The following SCUBE1 variants were observed in gnomAD, a reference collection of about 807,000 sequenced individuals.
SCUBE1 encodes signal peptide, CUB domain and EGF like domain containing 1.
SCUBE1 carries 59 observed loss-of-function variants against 124.4 expected under a neutral mutation model. The ratio of observed to expected loss-of-function variants is 0.47; its 90% CI spans 0.38 to 0.59. The LOEUF (loss-of-function observed/expected upper bound fraction) is 0.59, where lower values mean the gene tolerates loss of function less well. SCUBE1 is among the 20% of genes least tolerant of loss of function. The pLI is 0.00. For synonymous variants in SCUBE1, 545 were observed against 550.9 expected, an observed-to-expected ratio of 0.99 and a Z score of 0.15; for missense variants, 1,150 against 1,371.2, an observed-to-expected ratio of 0.84 and a Z score of 2.55.
At chr22:43,266,411 TC>T (rs1189308596) in intron 4 of SCUBE1, among the ~76,000 whole-genome samples, 1 of 151,976 alleles carries the variant, frequency 6.6e-6, no homozygotes, top group Non-Finnish European at 1.5e-5. Flanking sequence ...ACTCATCAGC[TC>T]CTCTGTCAGC....
In SCUBE1 at chr22:43,223,180, G is replaced by A. The variant is rs762203765; in HGVS notation, c.1244C>T (p.Pro415Leu). Residue 415 changes from proline to leucine, a missense_variant, in exon 11 of 22, where the codon CCC (proline) becomes CTC (leucine). Physicochemically the swap from Pro to Leu is moderately conservative, Grantham distance 98. Transcript: ENST00000360835. Reference protein sequence around the residue: ...GKCLSRAKTSPRAQLSCSKAG... With the variant: ...GKCLSRAKTSLRAQLSCSKAG... ...CTTGCTGCAGGACAGCTGGGCCCGGGGGGAGGTCTTGGCGCGAGAAAGACA... is the reference window on the plus strand; with the variant it reads ...CTTGCTGCAGGACAGCTGGGCCCGGAGGGAGGTCTTGGCGCGAGAAAGACA... 6.4e-7 allele frequency: 1 copy of A among 1,572,592 alleles called. No homozygotes were observed. Among genetic ancestry groups the A allele is most frequent in the African/African-American group, 1.4e-5 (1 of 72,180 alleles).
At chr22:43,241,260 C>T (rs1459982403) in intron 6 of SCUBE1, among the ~76,000 whole-genome samples, 4 of 152,190 alleles carry the variant, frequency 2.6e-5, no homozygotes, top group Non-Finnish European at 4.4e-5. Context: ...CCTTAGGGCC[C>T]GTTCTTGGGT....
chr22:43,292,732 A>C (rs930813239), intron 3 of SCUBE1, among the ~76,000 whole-genome samples: 1 of 152,194 alleles, frequency 6.6e-6, no homozygotes, highest in African/African-American at 2.4e-5. Context: ...GAGCGATTTG[A>C]GCCAGGTCCT....
rs926147171 is a variant in SCUBE1 at position 43,211,495 on chromosome 22, G to A, written c.2222-412C>T. ...GCGGCCGGAGTCTGAGGGGTGCCGG[G>A]GCGGGGGGCTAGAGATGGGCAATTC... On this transcript the variant is annotated intron_variant, in intron 17 of 21. Transcript: ENST00000360835. This position sits in a 1 kb window ranked among gnomAD's most constrained non-coding sequence, Gnocchi z 4.5. Among the ~76,000 whole-genome samples, 1 of 152,004 alleles carries A rather than the reference G, an allele frequency of 6.6e-6. No homozygotes were observed. The highest frequency in any genetic ancestry group is 2.4e-5 in the African/African-American group (1 of 41,368).
intron 6 of SCUBE1, among the ~76,000 whole-genome samples, chr22:43,241,171 G>C (rs9623788): frequency 0.32 from 49,275 of 152,088 alleles, 8,184 homozygotes; most frequent in African/African-American, 0.38. Context: ...CTCTCTGGAC[G>C]AGGCAGCTTG....
At chr22:43,296,230 G>A (rs1015171335) in intron 3 of SCUBE1, among the ~76,000 whole-genome samples, 1 of 152,200 alleles carries the variant, frequency 6.6e-6, no homozygotes, top group African/African-American at 2.4e-5. Flanking sequence ...ACTAGCAGGG[G>A]GACAGTCCCT....
At chr22:43,205,312 G>A (rs1383399611) in intron 21 of SCUBE1, among the ~76,000 whole-genome samples, 17 of 151,992 alleles carry the variant, frequency 1.1e-4, no homozygotes, top group South Asian at 8.3e-4. Flanking sequence ...TGCAGTCCCC[G>A]CCCTCTCTGA....
At chr22:43,226,423 G>C (rs1481469596) in intron 10 of SCUBE1, among the ~76,000 whole-genome samples, 1 of 140,448 alleles carries the variant, frequency 7.1e-6, no homozygotes, top group African/African-American at 2.5e-5. Flanking sequence ...AGGAGTGCTG[G>C]TGTGGGGGGG....
At chr22:43,243,312 G>A (rs1037829018) in intron 6 of SCUBE1, among the ~76,000 whole-genome samples, 2 of 152,236 alleles carry the variant, frequency 1.3e-5, no homozygotes, top group African/African-American at 4.8e-5. Flanking sequence ...TCACCCTGTA[G>A]GGCGAGGGTG....
intron 6 of SCUBE1, among the ~76,000 whole-genome samples, chr22:43,254,178 C>A (rs958861804): frequency 1.3e-5 from 2 of 152,252 alleles, no homozygotes; most frequent in African/African-American, 4.8e-5. Context: ...CTTGCCCTGT[C>A]TGCCTGTGTG....
In SCUBE1 at chr22:43,222,689, C is replaced by A. The variant is rs148458324; in HGVS notation, c.1381G>T (p.Ala461Ser). 8.5e-3 allele frequency: 13,580 copies of A among 1,606,574 alleles called. 85 individuals are homozygous for A. The highest frequency in any genetic ancestry group is 0.01 in the Non-Finnish European group (11,795 of 1,177,048). ...SCGVPGPQGK[A>S]LQKRNGTSSG... ...CTGGTGCCGTTGCGTTTCTGCAGCG[C>A]CTTGCCCTGCGGCCCTGGAACTCCG... The change falls in exon 12 of 22, where the codon GCG (alanine) becomes TCG (serine). Residue 461 changes from alanine (A) to serine (S), a missense_variant. This residue lies in a region of SCUBE1 where 757 missense variants were observed against 840.9 expected (regional missense o/e 0.90). Transcript: ENST00000360835.
chr22:43,290,236 C>A (rs1438773215), intron 4 of SCUBE1, among the ~76,000 whole-genome samples: 1 of 152,120 alleles, frequency 6.6e-6, no homozygotes, highest in Admixed American at 6.5e-5. Context: ...TGTGTCCTGG[C>A]TCTCTCCTCC....
intron 21 of SCUBE1, among the ~76,000 whole-genome samples, chr22:43,205,515 A>T (rs1921191691): frequency 6.6e-6 from 1 of 151,780 alleles, no homozygotes; most frequent in Non-Finnish European, 1.5e-5. Context: ...CTGTGACTGC[A>T]TCTGCTGTGT....
chr22:43,242,812 A>C (rs1229332907), intron 6 of SCUBE1, among the ~76,000 whole-genome samples: 1 of 152,128 alleles, frequency 6.6e-6, no homozygotes, highest in Admixed American at 6.5e-5. Context: ...ACCTGGAGAG[A>C]TCATGGAACA....
chr22:43,307,396 T>C (rs1458609440), intron 3 of SCUBE1, among the ~76,000 whole-genome samples: 2 of 152,176 alleles, frequency 1.3e-5, no homozygotes, highest in African/African-American at 2.4e-5. Flanking sequence ...AAGGGCGGGA[T>C]GGTTATGGAG....
rs144262584 is a variant in SCUBE1, at chr22:43,242,399, A to G, written c.728-3445T>C. Reference sequence around the variant, plus strand: ...CTCAGAGACAGTAAGAAAGCAGGCCAGGCCGCCTTTACCATGGGGCCCCTC... The same window carrying G: ...CTCAGAGACAGTAAGAAAGCAGGCCGGGCCGCCTTTACCATGGGGCCCCTC... On this transcript the variant is annotated intron_variant, in intron 6 of 21. Transcript: ENST00000360835. Among the ~76,000 whole-genome samples, 798 of 152,334 alleles carry G rather than the reference A, an allele frequency of 5.2e-3. 8 individuals carry two copies. The highest frequency in any genetic ancestry group is 0.019 in the African/African-American group (774 of 41,576).
chr22:43,330,928 GA>G (rs2146795998), intron 2 of SCUBE1, among the ~76,000 whole-genome samples: 1 of 152,240 alleles, frequency 6.6e-6, no homozygotes, highest in East Asian at 1.9e-4. Context: ...AGACTTGAAG[GA>G]GAAGAATTTC....
chr22:43,262,985 T>G, intron 4 of SCUBE1, 140 bp from the exon 5 acceptor site: 1 of 852,278 alleles, frequency 1.2e-6, no homozygotes, highest in Non-Finnish European at 1.8e-6. Flanking sequence ...ACACACGCAC[T>G]TGCGCACACA....
In SCUBE1 at chr22:43,198,315, G is replaced by A. The variant is rs1343640245; in HGVS notation, c.*5682C>T. ...AGTGGCATGGTGCAGCAGGGGACTG[G>A]AGAGGCCTTGAGGCCATCGCAGCAG... is the stretch of plus-strand genomic sequence containing the variant. On this transcript the variant is annotated 3_prime_UTR_variant, in exon 22 of 22. Coordinates refer to ENST00000360835, the MANE Select transcript of SCUBE1 (RefSeq NM_173050.5). The A allele has an allele frequency of 2.8e-6, 1 of 353,690 alleles. No individual in the cohort carries two copies. The highest frequency in any genetic ancestry group is 5.6e-4 in the Middle Eastern group (1 of 1,774). The allele number at this position is 353,690 out of a possible 1,614,324, so 21.9% of individuals were successfully genotyped here.
Sources: gnomAD v4.1 joint callset for allele counts (sites outside exome capture counted in the v4.1 genomes callset) on GRCh38, gnomAD v4.1.1 for gene constraint, gnomAD v4.1.1 regional missense constraint, Gnocchi (gnomAD v3.1) non-coding constraint, MANE v1.5 for transcripts, NCBI Gene and HGNC (gene_info 2026-07-23, HGNC 2026-07-21) for gene names.